TG: variants seen among roughly 807,000 people sequenced by gnomAD.
The protein encoded by TG is thyroid hormones.
Under a neutral mutation model 324.7 loss-of-function variants are expected in TG, and 270 were observed. The observed-to-expected ratio is 0.83, with a 90% CI of 0.75 to 0.92. TG has a LOEUF of 0.92. Ranked by LOEUF, TG falls within the 40% of genes least tolerant of loss-of-function variation. The pLI is 0.00. For missense variants in TG, 3,591 were observed against 3,456.4 expected (o/e 1.04, Z -0.98); for synonymous variants, 1,401 against 1,327.0 (o/e 1.06, Z -1.21).
chr8:132,967,866 C>T lies in TG; in HGVS notation c.5759C>T (p.Thr1920Ile), dbSNP rs1303012148. Residue 1920 changes from threonine to isoleucine, a missense_variant, in exon 31 of 48, where the codon ACC becomes ATC. Coordinates refer to ENST00000220616, the MANE Select transcript of TG (RefSeq NM_003235.5). ...TESASLYFTCTLYPEAQVCDD... is the reference protein window; with the variant it reads ...TESASLYFTCILYPEAQVCDD... ...AGTGCATCCTTGTACTTCACCTGCA[C>T]CCTCTACCCAGAGGCACAGGTGTGT... is the stretch of plus-strand genomic sequence containing the variant. The T allele has an allele frequency of 1.9e-6, 3 of 1,614,012 alleles. No homozygotes were observed. The highest frequency in any genetic ancestry group is 2.2e-5 in the East Asian group (1 of 44,854).
At chr8:133,132,689 A>G (rs1852038138) in intron 46 of TG, among the ~76,000 whole-genome samples, 1 of 152,258 alleles carries the variant, frequency 6.6e-6, no homozygotes, top group Non-Finnish European at 1.5e-5. Flanking sequence ...TAATAGTCTG[A>G]AAACACAAAA....
chr8:132,907,359 C>G (rs1587352905), intron 17 of TG, among the ~76,000 whole-genome samples: 1 of 152,202 alleles, frequency 6.6e-6, no homozygotes, highest in Non-Finnish European at 1.5e-5. Context: ...GCAGGAGGCC[C>G]TGGACTCTGC....
chr8:132,946,720 T>C (rs1403481), intron 26 of TG, among the ~76,000 whole-genome samples: 79,053 of 151,922 alleles, frequency 0.52, 21,937 homozygotes, highest in Non-Finnish European at 0.61. Flanking sequence ...TACATTTTAG[T>C]GGAGACTGCT....
In TG at chr8:132,871,490, G is replaced by A; in HGVS notation, c.417G>A (p.Trp139Ter). Reference sequence around the variant, plus strand: ...GTGATGTGCAGCAGGTCCAGTGCTGGTGTGTGGACGCAGAGGGGATGGAGG... The same window carrying A: ...GTGATGTGCAGCAGGTCCAGTGCTGATGTGTGGACGCAGAGGGGATGGAGG... ...VQCDVQQVQC[W>*]CVDAEGMEVY... The change falls in exon 4 of 48, where the codon TGG becomes TGA. Residue 139 changes from tryptophan to a stop codon, truncating the protein, a stop_gained. Coordinates refer to ENST00000220616, the MANE Select transcript of TG (RefSeq NM_003235.5). LOFTEE classifies it high-confidence loss of function. The A allele has an allele frequency of 6.2e-7, 1 of 1,614,186 alleles. No homozygotes were observed. The highest frequency in any genetic ancestry group is 8.5e-7 in the Non-Finnish European group (1 of 1,180,044).
chr8:132,969,640 C>T (rs1829189237), intron 32 of TG, 71 bp downstream of exon 32: 2 of 1,175,708 alleles, frequency 1.7e-6, no homozygotes, highest in South Asian at 2.4e-5. Flanking sequence ...GACACAATCA[C>T]AGCTAAAAAC....
chr8:133,093,679 A>G (rs1847943898), intron 41 of TG, among the ~76,000 whole-genome samples: 1 of 152,138 alleles, frequency 6.6e-6, no homozygotes, highest in Non-Finnish European at 1.5e-5. Context: ...CTCTGACCCT[A>G]GCCACATGTC....
Position 133,017,776 on chromosome 8 carries a change from A to G in TG, c.6563-2A>G. ...ACCCCTTTCTCTTCCCTTTCCCAAC[A>G]GGAATCTCTCTGCTCAGCTATGAGG... On this transcript the variant is annotated splice_acceptor_variant, in intron 37 of 47. Transcript: ENST00000220616. LOFTEE classifies it high-confidence loss of function. The G allele has an allele frequency of 6.2e-7, 1 of 1,614,102 alleles. No individual in the cohort carries two copies. The highest frequency in any genetic ancestry group is 8.5e-7 in the Non-Finnish European group (1 of 1,179,996).
At chr8:133,040,336 C>G in intron 41 of TG, 1 of 579,362 alleles carries the variant, frequency 1.7e-6, no homozygotes, top group Non-Finnish European at 3.1e-6. Flanking sequence ...CCCTGGTATA[C>G]TCTGCACTTA....
At chr8:132,917,043 C>CTCCTTCCTTCCTTCCTTCCT (rs1268389871) in intron 20 of TG, among the ~76,000 whole-genome samples, 5 of 48,844 alleles carry the variant, frequency 1.0e-4, no homozygotes, top group African/African-American at 3.1e-4. Context: ...CCCTCCCTCC[C>CTCCTTCCTTCCTTCCTTCCT]TCCTTCCTTC....
chr8:133,091,630 A>G (rs7813333), intron 41 of TG, among the ~76,000 whole-genome samples: 5,490 of 151,298 alleles, frequency 0.036, 340 homozygotes, highest in African/African-American at 0.13. Flanking sequence ...GGGTGTGTCT[A>G]TGTGTGTGTA....
At chr8:133,097,088 G>A (rs954778589) in intron 43 of TG, among the ~76,000 whole-genome samples, 1 of 152,246 alleles carries the variant, frequency 6.6e-6, no homozygotes, top group Non-Finnish European at 1.5e-5. Flanking sequence ...AGCCCAGTGT[G>A]CATAAAGCAC....
At chr8:133,130,020 A>G (rs1851826057) in intron 45 of TG, among the ~76,000 whole-genome samples, 1 of 152,232 alleles carries the variant, frequency 6.6e-6, no homozygotes, top group African/African-American at 2.4e-5. Flanking sequence ...GGAAATAAGT[A>G]TATGAGCCAG....
intron 5 of TG, among the ~76,000 whole-genome samples, chr8:132,876,325 G>C (rs1813790837): frequency 6.6e-6 from 1 of 152,164 alleles, no homozygotes; most frequent in East Asian, 1.9e-4. Flanking sequence ...TGAGGGTCGG[G>C]GGGAGTCAAG....
intron 41 of TG, among the ~76,000 whole-genome samples, chr8:133,087,071 TAC>T (rs56028043): frequency 0.06 from 8,554 of 142,848 alleles, 387 homozygotes; most frequent in East Asian, 0.16. Context: ...AATATATGTT[TAC>T]ACACACACAC....
At chr8:133,017,696 A>C (rs1301961868) in intron 37 of TG, 82 bp from the exon 38 acceptor site, 2 of 1,337,698 alleles carry the variant, frequency 1.5e-6, no homozygotes, top group African/African-American at 2.9e-5. Context: ...TTTTGTTGAA[A>C]GCACATTCAG....
At chr8:132,872,489 A>G (rs1208244600) in intron 4 of TG, among the ~76,000 whole-genome samples, 2 of 151,978 alleles carry the variant, frequency 1.3e-5, no homozygotes, top group East Asian at 3.9e-4. Context: ...AAAAAAAAAA[A>G]AAAAAAAAAA....
At chr8:133,016,757 G>A (rs1463438574) in intron 37 of TG, among the ~76,000 whole-genome samples, 1 of 152,188 alleles carries the variant, frequency 6.6e-6, no homozygotes, top group South Asian at 2.1e-4. Context: ...GCATCAGACA[G>A]GCCTGTCTTA....
intron 41 of TG, among the ~76,000 whole-genome samples, chr8:133,048,227 AT>A (rs1049058962): frequency 1.3e-4 from 19 of 150,218 alleles, no homozygotes; most frequent in Admixed American, 6.0e-4. Flanking sequence ...TATTTATGTA[AT>A]TTTTTTTTTG....
intron 41 of TG, among the ~76,000 whole-genome samples, chr8:133,043,147 G>T (rs905885160): frequency 1.3e-5 from 2 of 152,100 alleles, no homozygotes; most frequent in South Asian, 4.1e-4. Context: ...TGAGTGGTTC[G>T]ATGACCAGGA....
Sources: gnomAD v4.1 joint callset for allele counts (sites outside exome capture counted in the v4.1 genomes callset) on GRCh38, gnomAD v4.1.1 for gene constraint, MANE v1.5 for transcripts, NCBI Gene and HGNC (gene_info 2026-07-23, HGNC 2026-07-21) for gene names.